The following ZMYND8 variants were observed in gnomAD, a reference collection of about 807,000 sequenced individuals.
ZMYND8 encodes MYND-type zinc finger-containing chromatin reader ZMYND8.
Under a neutral mutation model 140.8 loss-of-function variants are expected in ZMYND8, and 37 were observed. That is an observed-to-expected ratio of 0.26 (90% CI 0.20 to 0.35). The LOEUF (loss-of-function observed/expected upper bound fraction) is 0.35, where lower values mean the gene tolerates loss of function less well. ZMYND8 is among the 10% of genes least tolerant of loss of function. The pLI is 1.00. For missense variants in ZMYND8, 1,068 were observed against 1,570.0 expected, an observed-to-expected ratio of 0.68 and a Z score of 5.40; for synonymous variants, 592 against 597.1, an observed-to-expected ratio of 0.99 and a Z score of 0.12.
intron 10 of ZMYND8, among the ~76,000 whole-genome samples, chr20:47,281,084 G>A (rs1426507164): frequency 1.3e-5 from 2 of 152,068 alleles, no homozygotes; most frequent in Non-Finnish European, 2.9e-5. Context: ...AGGCTGGCAC[G>A]CAGCAGTCAT....
chr20:47,322,174 G>A (rs1225542120), intron 2 of ZMYND8, among the ~76,000 whole-genome samples: 1 of 151,774 alleles, frequency 6.6e-6, no homozygotes. Flanking sequence ...CTGTTTCATT[G>A]ATAAGGTAAT....
At chr20:47,306,862 A>G (rs1401850933) in intron 3 of ZMYND8, among the ~76,000 whole-genome samples, 1 of 152,220 alleles carries the variant, frequency 6.6e-6, no homozygotes, top group African/African-American at 2.4e-5. Flanking sequence ...ATGGACATGG[A>G]AAGAAATTCA....
At chr20:47,264,191 G>A (rs1318132280) in intron 11 of ZMYND8, among the ~76,000 whole-genome samples, 7 of 152,262 alleles carry the variant, frequency 4.6e-5, no homozygotes. Flanking sequence ...TGATAAGGGA[G>A]TGAGGATCAA....
At chr20:47,288,928 C>T (rs2077088126) in intron 7 of ZMYND8, among the ~76,000 whole-genome samples, 1 of 151,984 alleles carries the variant, frequency 6.6e-6, no homozygotes, top group African/African-American at 2.4e-5. Context: ...ATGGCGAAAC[C>T]CCATCTCTAC....
At chr20:47,285,684 G>A in intron 8 of ZMYND8, 1 of 985,174 alleles carries the variant, frequency 1.0e-6, no homozygotes, top group Non-Finnish European at 1.2e-6. Context: ...AATGCGCAAT[G>A]ATATTCATCA....
intron 2 of ZMYND8, among the ~76,000 whole-genome samples, chr20:47,317,881 T>C (rs930372192): frequency 1.3e-5 from 2 of 152,188 alleles, no homozygotes; most frequent in Non-Finnish European, 2.9e-5. Flanking sequence ...AGTTTACCAC[T>C]TTACAAGTGG....
At chr20:47,269,322 T>A (rs1178787273) in intron 11 of ZMYND8, among the ~76,000 whole-genome samples, 1 of 152,202 alleles carries the variant, frequency 6.6e-6, no homozygotes, top group Non-Finnish European at 1.5e-5. Flanking sequence ...GTGCTCAGCA[T>A]CCTAGGTGCA....
At chr20:47,354,781 A>G (rs1161877805) in intron 1 of ZMYND8, 3 of 152,220 alleles carry the variant, frequency 2.0e-5, no homozygotes, top group African/African-American at 4.8e-5. Context: ...TTCTAGGGAA[A>G]TTCTGAAGGT....
intron 2 of ZMYND8, among the ~76,000 whole-genome samples, chr20:47,316,686 T>C (rs1481964970): frequency 6.6e-6 from 1 of 151,712 alleles, no homozygotes; most frequent in Non-Finnish European, 1.5e-5. Context: ...TCCCAGCTAC[T>C]TGGGAGGCTG....
chr20:47,328,039 C>T (rs1025264083), intron 2 of ZMYND8, among the ~76,000 whole-genome samples: 12 of 151,926 alleles, frequency 7.9e-5, no homozygotes, highest in African/African-American at 1.9e-4. Flanking sequence ...CTTGAACTCC[C>T]GGGCTCCAGT....
intron 8 of ZMYND8, among the ~76,000 whole-genome samples, chr20:47,285,035 C>A (rs1276951085): frequency 6.6e-6 from 1 of 152,118 alleles, no homozygotes; most frequent in Admixed American, 6.5e-5. Context: ...GTGCTGGTAT[C>A]ATTCTAAGAA....
intron 2 of ZMYND8, among the ~76,000 whole-genome samples, chr20:47,344,294 A>T (rs376931885): frequency 4.6e-5 from 7 of 152,134 alleles, no homozygotes; most frequent in African/African-American, 1.4e-4. Flanking sequence ...GATAGATCTT[A>T]TTAATAATAC....
At chr20:47,245,914 GTTTC>G (rs1469323801) in intron 14 of ZMYND8, 90 bp downstream of exon 14, 2 of 1,495,658 alleles carry the variant, frequency 1.3e-6, no homozygotes, top group African/African-American at 1.4e-5. Context: ...CTTCTGATTT[GTTTC>G]TTTAAGGGTC....
At position 47,342,736 on chromosome 20, in the gene ZMYND8, T is replaced by C. The variant is rs141364860; in HGVS notation, c.85+5120A>G. Among the ~76,000 whole-genome samples the C allele has an allele frequency of 6.0e-3, 879 of 147,544 alleles. 20 individuals are homozygous for C. Among genetic ancestry groups the C allele is most frequent in the Admixed American group, 0.05 (741 of 14,748 alleles). On this transcript the variant is annotated intron_variant, in intron 2 of 22. Transcript: ENST00000471951. Reference sequence around the variant, plus strand: ...GGTGACATGTGCCTGTAATCCCAGCTACTATGGAGGCTGGAGCAGAGGAAT... The same window carrying C: ...GGTGACATGTGCCTGTAATCCCAGCCACTATGGAGGCTGGAGCAGAGGAAT...
At chr20:47,277,241 A>G (rs1283348579) in intron 10 of ZMYND8, among the ~76,000 whole-genome samples, 2 of 152,384 alleles carry the variant, frequency 1.3e-5, no homozygotes, top group East Asian at 1.9e-4. Context: ...AAGGAGGTAC[A>G]TGTTTTTGAA....
chr20:47,275,323 C>T (rs2076192056), intron 11 of ZMYND8, among the ~76,000 whole-genome samples: 1 of 152,036 alleles, frequency 6.6e-6, no homozygotes, highest in African/African-American at 2.4e-5. Flanking sequence ...GAAACCCTGT[C>T]TCTACTAAAA....
At chr20:47,317,119 C>G (rs982803684) in intron 2 of ZMYND8, among the ~76,000 whole-genome samples, 2 of 152,156 alleles carry the variant, frequency 1.3e-5, no homozygotes, top group African/African-American at 4.8e-5. Flanking sequence ...AGCACACTCT[C>G]ATTTTGCCTT....
At chr20:47,340,596 C>T (rs528737761) in intron 2 of ZMYND8, among the ~76,000 whole-genome samples, 40 of 151,850 alleles carry the variant, frequency 2.6e-4, no homozygotes, top group African/African-American at 8.9e-4. Flanking sequence ...GAGTTCGAGA[C>T]CAGCCTGGCC....
At chr20:47,315,858 C>G (rs2079348696) in intron 2 of ZMYND8, among the ~76,000 whole-genome samples, 2 of 152,110 alleles carry the variant, frequency 1.3e-5, no homozygotes, top group African/African-American at 4.8e-5. Flanking sequence ...CACCCATCCC[C>G]CAAAAATGAG....
Sources: gnomAD v4.1 joint callset for allele counts (sites outside exome capture counted in the v4.1 genomes callset) on GRCh38, gnomAD v4.1.1 for gene constraint, MANE v1.5 for transcripts, NCBI Gene and HGNC (gene_info 2026-07-23, HGNC 2026-07-21) for gene names.